Variants in TXNRD2 observed in about 807,000 individuals in gnomAD.
The protein encoded by TXNRD2 is thioredoxin reductase 2, mitochondrial.
Under a neutral mutation model 70.8 loss-of-function variants are expected in TXNRD2, and 67 were observed. That is an observed-to-expected ratio of 0.95 (90% confidence interval 0.78 to 1.16). The LOEUF is 1.16. Among genes scored for constraint, TXNRD2 ranks in the 50% most tolerant of loss-of-function variants. The pLI is 0.00. For synonymous variants in TXNRD2, 301 were observed against 295.8 expected, an observed-to-expected ratio of 1.02 and a Z score of -0.18; for missense variants, 644 against 719.9, an observed-to-expected ratio of 0.89 and a Z score of 1.21.
intron 2 of TXNRD2, among the ~76,000 whole-genome samples, chr22:19,930,554 A>G (rs1941317838): frequency 6.6e-6 from 1 of 152,138 alleles, no homozygotes; most frequent in Non-Finnish European, 1.5e-5. Flanking sequence ...AGAACTGACC[A>G]TGGACCCTGG....
Position 19,877,241 on chromosome 22 carries a change from A to G in TXNRD2, c.1446-7T>C, listed in dbSNP as rs907571604. 6 of 1,575,142 alleles carry G rather than the reference A, an allele frequency of 3.8e-6. No homozygotes were observed. Among genetic ancestry groups the G allele is most frequent in the Non-Finnish European group, 5.2e-6 (6 of 1,155,352 alleles). ...CGCATAGGAAGCCCCACACCTGCAC[A>G]TGGGGGATGGGGGAGGCAGGCGGGG... On this transcript the variant is annotated splice_polypyrimidine_tract_variant and splice_region_variant and intron_variant, in intron 16 of 17. Coordinates refer to ENST00000400521, the MANE Select transcript of TXNRD2 (RefSeq NM_006440.5).
intron 11 of TXNRD2, among the ~76,000 whole-genome samples, chr22:19,889,122 C>T (rs1428483092): frequency 6.6e-6 from 1 of 152,070 alleles, no homozygotes; most frequent in African/African-American, 2.4e-5. Context: ...TGTCTCATAC[C>T]CAGGGCGGCT....
At chr22:19,895,689 G>T in intron 10 of TXNRD2, 108 bp from the exon 11 acceptor site, 1 of 1,305,872 alleles carries the variant, frequency 7.7e-7, no homozygotes, top group Non-Finnish European at 1.1e-6. Flanking sequence ...AGGGGTCTGT[G>T]CGGAAGACGG....
intron 10 of TXNRD2, among the ~76,000 whole-genome samples, chr22:19,897,770 C>T (rs994976760): frequency 1.2e-4 from 19 of 152,188 alleles, no homozygotes; most frequent in Admixed American, 3.3e-4. Context: ...CCTGCTCTGC[C>T]GGCACAAGGC....
intron 11 of TXNRD2, 97 bp from the exon 12 acceptor site, chr22:19,883,558 C>T: frequency 1.3e-6 from 2 of 1,569,462 alleles, no homozygotes; most frequent in Non-Finnish European, 1.7e-6. Context: ...CACTTAGAGA[C>T]CGGGTGCAGT....
At chr22:19,923,663 G>A (rs1941002846) in intron 2 of TXNRD2, among the ~76,000 whole-genome samples, 1 of 152,136 alleles carries the variant, frequency 6.6e-6, no homozygotes, top group Non-Finnish European at 1.5e-5. Context: ...TTAGCCAGGT[G>A]TGGTGGTGGG....
intron 8 of TXNRD2, among the ~76,000 whole-genome samples, chr22:19,907,273 CCGCTCTCAGGAGGG>C: frequency 4.1e-5 from 2 of 48,756 alleles, no homozygotes; most frequent in African/African-American, 8.8e-5. Context: ...GTAGCAGTGA[CCGCTCTCAGGAGGG>C]TGTGGGCGCC....
In TXNRD2 at chr22:19,910,518, C is replaced by A. The variant is rs116773430; in HGVS notation, c.662+859G>T. ...ACTGACCTAGATAACAAACAGCTGA[C>A]TCCATTTATATGGCAGTCCTGTTAT... On this transcript the variant is annotated intron_variant, in intron 8 of 17. Transcript: ENST00000400521. Among the ~76,000 whole-genome samples the A allele has an allele frequency of 6.3e-3, 959 of 152,292 alleles. 11 individuals carry two copies. The highest frequency in any genetic ancestry group is 0.022 in the African/African-American group (900 of 41,538).
intron 11 of TXNRD2, among the ~76,000 whole-genome samples, chr22:19,890,855 CAG>C (rs2145957634): frequency 6.6e-6 from 1 of 152,340 alleles, no homozygotes; most frequent in Admixed American, 6.5e-5. Context: ...TGCCAGCAAA[CAG>C]TGCCTGGGTG....
chr22:19,936,682 C>A (rs1941550292), intron 1 of TXNRD2, among the ~76,000 whole-genome samples: 1 of 152,182 alleles, frequency 6.6e-6, no homozygotes, highest in African/African-American at 2.4e-5. Flanking sequence ...TCTGGTTGTG[C>A]AGGACTGGGC....
Position 19,911,372 on chromosome 22 carries a change from C to T in TXNRD2, c.662+5G>A, listed in dbSNP as rs1440030991. 1.9e-6 allele frequency: 3 copies of T among 1,613,160 alleles called. No homozygotes were observed. Among genetic ancestry groups the T allele is most frequent in the Non-Finnish European group, 1.7e-6 (2 of 1,179,146 alleles). ...AGGACCCCACCAAGCACGCGCAGGCCTTACGTTTTTCCAGGGGATTCCTTC... is the reference window on the plus strand; with the variant it reads ...AGGACCCCACCAAGCACGCGCAGGCTTTACGTTTTTCCAGGGGATTCCTTC... On this transcript the variant is annotated splice_donor_5th_base_variant and intron_variant, in intron 8 of 17. Coordinates refer to ENST00000400521, the MANE Select transcript of TXNRD2 (RefSeq NM_006440.5).
chr22:19,897,899 C>T (rs1939583257), intron 10 of TXNRD2, 140 bp downstream of exon 10: 3 of 710,718 alleles, frequency 4.2e-6, no homozygotes, highest in Admixed American at 2.5e-5. Context: ...CCTGGACAAC[C>T]TCCTCATCCA....
At chr22:19,877,948 G>A in intron 16 of TXNRD2, 142 bp downstream of exon 16, 2 of 752,820 alleles carry the variant, frequency 2.7e-6, no homozygotes, top group South Asian at 1.5e-5. Context: ...CTGTCTGAGG[G>A]GCCTGAGGAA....
chr22:19,882,685 T>G lies in TXNRD2; in HGVS notation c.1086+640A>C, dbSNP rs547590915. Among the ~76,000 whole-genome samples, 5 of 152,304 alleles carry G rather than the reference T, an allele frequency of 3.3e-5. No homozygotes were observed. In the South Asian group the frequency reaches 1.0e-3, roughly 32 times the overall value. ...CTTTCAGCAGCAGGTGCTGGACACA[T>G]GCAGGACAGGCCGAGCACTCCTGAG... On this transcript the variant is annotated intron_variant, in intron 12 of 17. Transcript: ENST00000400521.
At chr22:19,931,812 T>C (rs1941370514) in intron 1 of TXNRD2, among the ~76,000 whole-genome samples, 1 of 152,048 alleles carries the variant, frequency 6.6e-6, no homozygotes, top group Admixed American at 6.5e-5. Flanking sequence ...TAAAACATTC[T>C]CAAGTCCACG....
Position 19,878,113 on chromosome 22 carries a change from A to C in TXNRD2, c.1422T>G (p.Thr474=), listed in dbSNP as rs2145927131. The C allele has an allele frequency of 4.3e-6, 7 of 1,613,538 alleles. No individual in the cohort carries two copies. Among genetic ancestry groups the C allele is most frequent in the Non-Finnish European group, 5.9e-6 (7 of 1,180,002 alleles). ...HFLGPNAGEV[T]QGFALGIKCG... is the part of the protein sequence containing the mutation. Reference sequence around the variant, plus strand: ...ACTTGATCCCCAGAGCAAATCCTTGAGTAACTTCGCCTGCGTTGGGGCCAA... The same window carrying C: ...ACTTGATCCCCAGAGCAAATCCTTGCGTAACTTCGCCTGCGTTGGGGCCAA... Residue 474 remains threonine, a synonymous_variant, in exon 16 of 18, where the codon ACT becomes ACG. Coordinates refer to ENST00000400521, the MANE Select transcript of TXNRD2 (RefSeq NM_006440.5).
chr22:19,913,438 A>T (rs1940501702), intron 7 of TXNRD2, among the ~76,000 whole-genome samples: 1 of 152,002 alleles, frequency 6.6e-6, no homozygotes, highest in South Asian at 2.1e-4. Flanking sequence ...CCCCCCACAA[A>T]GAAGAGTCAG....
intron 3 of TXNRD2, among the ~76,000 whole-genome samples, 200 bp downstream of exon 3, chr22:19,919,343 G>A (rs888884813): frequency 1.3e-5 from 2 of 149,770 alleles, no homozygotes; most frequent in African/African-American, 4.9e-5. Context: ...GAGTACAGGC[G>A]TGAGCAACTG....
At position 19,877,155 on chromosome 22, in the gene TXNRD2, T is replaced by C. The variant is rs1218884411; in HGVS notation, c.1525A>G (p.Ile509Val). ...GGGTCCAGGCCTGAGCGCTTGGAGA[T>C]GCGCAGCTTGACTACCTCCTCAGAG... The part of the protein sequence containing the change: ...TCSEEVVKLR[I>V]SKRSGLDPTV... Residue 509 changes from isoleucine to valine, a missense_variant, in exon 17 of 18, where the codon ATC (isoleucine) becomes GTC (valine). Ile to Val is a conservative substitution (Grantham distance 29). Transcript: ENST00000400521. The C allele has an allele frequency of 1.9e-6, 3 of 1,609,918 alleles. No individual in the cohort carries two copies. Among genetic ancestry groups the C allele is most frequent in the African/African-American group, 1.3e-5 (1 of 74,816 alleles).
Sources: gnomAD v4.1 joint callset for allele counts (sites outside exome capture counted in the v4.1 genomes callset) on GRCh38, gnomAD v4.1.1 for gene constraint, MANE v1.5 for transcripts, NCBI Gene and HGNC (gene_info 2026-07-23, HGNC 2026-07-21) for gene names.